The following CAVIN2 variants were observed in gnomAD, a reference collection of about 807,000 sequenced individuals.
CAVIN2 encodes the protein caveolae associated protein 2.
CAVIN2 carries 13 observed loss-of-function variants against 11.7 expected under a neutral mutation model. That is an observed-to-expected ratio of 1.11 (90% CI 0.72 to 1.77). CAVIN2 has a LOEUF of 1.77. CAVIN2 is among the 40% of genes most tolerant of loss of function. CAVIN2 has a pLI of 0.00. For synonymous variants in CAVIN2, 237 were observed against 223.2 expected (o/e 1.06, Z -0.55); for missense variants, 549 against 542.9 (o/e 1.01, Z -0.11).
chr2:191,842,988 A>G (rs1690114645), intron 1 of CAVIN2, among the ~76,000 whole-genome samples: 1 of 152,242 alleles, frequency 6.6e-6, no homozygotes, highest in South Asian at 2.1e-4. Flanking sequence ...GTTCAAGACC[A>G]GCCTGACCAA....
In CAVIN2 at chr2:191,846,769, C is replaced by A; in HGVS notation, c.157G>T (p.Val53Leu). Residue 53 changes from valine (V) to leucine (L), a missense_variant, in exon 1 of 2, where the codon GTG (valine) becomes TTG (leucine). Transcript: ENST00000304141. Reference sequence around the variant, plus strand: ...AGCGTGAGCACCGTGACTGCGTTCACCTGTGAGTTGTCCCGGATGGCCTCC... The same window carrying A: ...AGCGTGAGCACCGTGACTGCGTTCAACTGTGAGTTGTCCCGGATGGCCTCC... ...TEEAIRDNSQ[V>L]NAVTVLTLLD... 1 of 1,614,188 alleles carries A rather than the reference C, an allele frequency of 6.2e-7. No individual in the cohort carries two copies. Among genetic ancestry groups the A allele is most frequent in the Non-Finnish European group, 8.5e-7 (1 of 1,180,034 alleles).
rs769217105 is a variant in CAVIN2 at position 191,836,350 on chromosome 2, G to T, written c.851C>A (p.Ser284Ter). ...AACCTTGAAGGGGGAGCTTTTTCCT[G>T]AGGATATTTTCTGGTGATTTGACGT... ...SLTSNHQKIS[S>*]GKSSPFKVSP... is the part of the protein sequence containing the mutation. Residue 284 changes from serine (S) to a stop codon, truncating the protein, a stop_gained, in exon 2 of 2, where the codon TCA (serine) becomes TAA (stop). Coordinates refer to ENST00000304141, the MANE Select transcript of CAVIN2 (RefSeq NM_004657.6). LOFTEE classifies it low-confidence loss of function (END_TRUNC). 3 of 1,614,128 alleles carry T rather than the reference G, an allele frequency of 1.9e-6. No individual in the cohort carries two copies. Among genetic ancestry groups the T allele is most frequent in the Non-Finnish European group, 1.7e-6 (2 of 1,180,044 alleles).
intron 1 of CAVIN2, among the ~76,000 whole-genome samples, chr2:191,844,361 AAACAAT>A (rs1690135984): frequency 6.6e-6 from 1 of 152,232 alleles, no homozygotes; most frequent in South Asian, 2.1e-4. Context: ...GTTTTATACA[AAACAAT>A]CATCTTGCGA....
In CAVIN2 at chr2:191,835,872, G is replaced by A. The variant is rs1690004996; in HGVS notation, c.*51C>T. ...GAGATGTGCAAGAGTTTGTTCTTCA[G>A]CCCTGGCTGCCCGCTTGAGCACAGC... On this transcript the variant is annotated 3_prime_UTR_variant, in exon 2 of 2. Transcript: ENST00000304141. The A allele has an allele frequency of 2.6e-6, 4 of 1,547,388 alleles. No individual in the cohort carries two copies. The highest frequency in any genetic ancestry group is 3.5e-6 in the Non-Finnish European group (4 of 1,146,246).
Position 191,834,493 on chromosome 2 carries a change from G to T in CAVIN2, c.*1430C>A, listed in dbSNP as rs1198554621. 1 of 152,082 alleles carries T rather than the reference G, an allele frequency of 6.6e-6. No homozygotes were observed. The highest frequency in any genetic ancestry group is 1.5e-5 in the Non-Finnish European group (1 of 67,988). 9.4% of individuals were successfully genotyped at this position (152,082 alleles called of 1,614,324 possible). A position where few individuals can be genotyped will look rare whatever the true frequency, so the allele number is the denominator to read the frequency against. On this transcript the variant is annotated 3_prime_UTR_variant, in exon 2 of 2. Coordinates refer to ENST00000304141, the MANE Select transcript of CAVIN2 (RefSeq NM_004657.6). The stretch of plus-strand genomic sequence containing the variant: ...AGCACAGTTTGTTAATATTGTCTTG[G>T]ATTAACTCTATTTGTAAGGTTACTT...
intron 1 of CAVIN2, among the ~76,000 whole-genome samples, chr2:191,841,661 G>C (rs1417124042): frequency 6.6e-6 from 1 of 152,110 alleles, no homozygotes; most frequent in Admixed American, 6.5e-5. Flanking sequence ...CAAAACTCTA[G>C]GACCTGAGTT....
chr2:191,835,936 T>A lies in CAVIN2; in HGVS notation c.1265A>T (p.His422Leu). ...DPVQPAVLQV[H>L]QTS is the part of the protein sequence containing the mutation. ...GTGGCTCTAAGCTCAGGAGGTCTGG[T>A]GCACCTGGAGCACGGCGGGCTGCAC... Residue 422 changes from histidine to leucine, a missense_variant, in exon 2 of 2, where the codon CAC (histidine) becomes CTC (leucine). Transcript: ENST00000304141. The A allele has an allele frequency of 6.2e-7, 1 of 1,612,178 alleles. No individual in the cohort carries two copies. The highest frequency in any genetic ancestry group is 8.5e-7 in the Non-Finnish European group (1 of 1,179,618).
Position 191,835,357 on chromosome 2 carries a change from T to G in CAVIN2, c.*566A>C, listed in dbSNP as rs1042059763. The G allele has an allele frequency of 1.3e-5, 2 of 152,242 alleles. No homozygotes were observed. 9.4% of individuals were successfully genotyped at this position (152,242 alleles called of 1,614,324 possible). ...CTTTTATAATCTCTTCATTTTTCCT[T>G]CGTTTGCAATAAAACAATGGTTTCT... is the stretch of plus-strand genomic sequence containing the variant. On this transcript the variant is annotated 3_prime_UTR_variant, in exon 2 of 2. Transcript: ENST00000304141.
At chr2:191,838,757 C>A (rs1690055063) in intron 1 of CAVIN2, among the ~76,000 whole-genome samples, 1 of 152,210 alleles carries the variant, frequency 6.6e-6, no homozygotes, top group African/African-American at 2.4e-5. Flanking sequence ...TGTGTCCCAG[C>A]ACCTAGAGCT....
At chr2:191,837,919 G>T (rs1243632691) in intron 1 of CAVIN2, among the ~76,000 whole-genome samples, 1 of 152,162 alleles carries the variant, frequency 6.6e-6, no homozygotes, top group African/African-American at 2.4e-5. Context: ...ATCTCCTTGG[G>T]TCTCAGTTTC....
chr2:191,845,938 G>T (rs1167675049), intron 1 of CAVIN2, among the ~76,000 whole-genome samples: 1 of 152,148 alleles, frequency 6.6e-6, no homozygotes, highest in Non-Finnish European at 1.5e-5. Context: ...TATTTGATTG[G>T]TCCCCAAAAC....
At chr2:191,838,804 G>A (rs1322751502) in intron 1 of CAVIN2, among the ~76,000 whole-genome samples, 1 of 152,166 alleles carries the variant, frequency 6.6e-6, no homozygotes, top group African/African-American at 2.4e-5. Flanking sequence ...TGTTGGGTGA[G>A]GTGGCTTTCT....
chr2:191,836,606 T>G lies in CAVIN2; in HGVS notation c.595A>C (p.Thr199Pro). Residue 199 changes from threonine (T) to proline (P), a missense_variant, in exon 2 of 2, where the codon ACC (threonine) becomes CCC (proline). Transcript: ENST00000304141. The part of the protein sequence containing the change: ...ENKSLEETLH[T>P]VDLSSDDDLP... ...TCATCATCTGAGGAGAGGTCCACGG[T>G]GTGCAGGGTTTCCTCCAGGGATTTG... 8 of 1,614,172 alleles carry G rather than the reference T, an allele frequency of 5.0e-6. No individual in the cohort carries two copies. The highest frequency in any genetic ancestry group is 6.8e-6 in the Non-Finnish European group (8 of 1,180,034).
In CAVIN2 at chr2:191,836,641, G is replaced by A. The variant is rs572661315; in HGVS notation, c.560C>T (p.Pro187Leu). 2 of 1,614,008 alleles carry A rather than the reference G, an allele frequency of 1.2e-6. No homozygotes were observed. Among genetic ancestry groups the A allele is most frequent in the Admixed American group, 1.7e-5 (1 of 60,004 alleles). ...TTCCTCCAGGGATTTGTTTTCATCC[G>A]GAAGCTCCTCCTTCCCTTCCACGGC... ...SGAVEGKEEL[P>L]DENKSLEETL... Residue 187 changes from proline (P) to leucine (L), a missense_variant, in exon 2 of 2, where the codon CCG becomes CTG. By Grantham distance (98) the Pro-to-Leu change is moderately conservative. Coordinates refer to ENST00000304141, the MANE Select transcript of CAVIN2 (RefSeq NM_004657.6).
In CAVIN2 at chr2:191,834,966, C is replaced by T. The variant is rs1055230876; in HGVS notation, c.*957G>A. ...TAATTGTATTTTGAAGATTTATATTCGTTCCAGTGTTAACAAGACAACATC... is the reference window on the plus strand; with the variant it reads ...TAATTGTATTTTGAAGATTTATATTTGTTCCAGTGTTAACAAGACAACATC... On this transcript the variant is annotated 3_prime_UTR_variant, in exon 2 of 2. Transcript: ENST00000304141. 4 of 151,938 alleles carry T rather than the reference C, an allele frequency of 2.6e-5. No individual in the cohort carries two copies. The highest frequency in any genetic ancestry group is 5.9e-5 in the Non-Finnish European group (4 of 67,924). The allele number at this position is 151,938 out of a possible 1,614,324, so 9.4% of individuals were successfully genotyped here.
At position 191,846,947 on chromosome 2, in the gene CAVIN2, C is replaced by T. The variant is rs757481292; in HGVS notation, c.-22G>A. The stretch of plus-strand genomic sequence containing the variant: ...CCATGGCTAGGCAGGTGGGAACGTT[C>T]TTTCTCTCTGGGAGCTGCTTCTTGC... On this transcript the variant is annotated 5_prime_UTR_variant, in exon 1 of 2. Transcript: ENST00000304141. 8.2e-6 allele frequency: 13 copies of T among 1,576,712 alleles called. No homozygotes were observed. The African/African-American group carries it at 1.5e-4, about 18-fold the overall frequency.
chr2:191,846,343 G>T, intron 1 of CAVIN2, 100 bp downstream of exon 1: 1 of 1,367,766 alleles, frequency 7.3e-7, no homozygotes, highest in Non-Finnish European at 9.8e-7. Context: ...TCCCTGACAG[G>T]CAGGACAAAT....
chr2:191,839,763 A>AT (rs2105736137), intron 1 of CAVIN2, among the ~76,000 whole-genome samples: 2 of 152,336 alleles, frequency 1.3e-5, no homozygotes, highest in South Asian at 4.1e-4. Flanking sequence ...ACAGGATTTA[A>AT]TGTTCTGTAT....
rs764835762 is a variant in CAVIN2 at position 191,846,514 on chromosome 2, G to A, written c.412C>T (p.Gln138Ter). The A allele has an allele frequency of 6.2e-7, 1 of 1,614,264 alleles. No homozygotes were observed. The highest frequency in any genetic ancestry group is 8.5e-7 in the Non-Finnish European group (1 of 1,180,052). Residue 138 changes from glutamine (Q) to a stop codon, truncating the protein, a stop_gained, in exon 1 of 2, where the codon CAG (glutamine) becomes TAG (stop). Transcript: ENST00000304141. LOFTEE classifies it high-confidence loss of function. ...VKERMDRQCA[Q>*]VKRLENNHAQ... Reference sequence around the variant, plus strand: ...TGGTTGTTCTCCAGCCGCTTCACCTGTGCGCACTGCCTATCCATGCGCTCT... The same window carrying A: ...TGGTTGTTCTCCAGCCGCTTCACCTATGCGCACTGCCTATCCATGCGCTCT...
Sources: allele counts gnomAD v4.1 joint callset (sites outside exome capture counted in the v4.1 genomes callset), GRCh38; gene constraint gnomAD v4.1.1; transcripts MANE v1.5; gene names NCBI Gene and HGNC (gene_info 2026-07-23, HGNC 2026-07-21).